REPS1: variants seen among roughly 807,000 people sequenced by gnomAD.
REPS1 encodes the protein RALBP1 associated Eps domain containing 1, also known as ralBP1-associated Eps domain-containing protein 1.
A neutral mutation model predicts 100.9 loss-of-function variants in REPS1; 39 were observed. The observed-to-expected ratio is 0.39, with a 90% confidence interval of 0.30 to 0.50. The LOEUF is 0.50. REPS1 is among the 20% of genes least tolerant of loss of function. The pLI, the probability that REPS1 is intolerant of heterozygous loss-of-function variation, is 0.86. For synonymous variants in REPS1, 324 were observed against 340.3 expected (o/e 0.95, Z 0.53); for missense variants, 821 against 968.5 (o/e 0.85, Z 2.02).
intron 1 of REPS1, among the ~76,000 whole-genome samples, chr6:138,973,515 G>C (rs1784442866): frequency 6.7e-6 from 1 of 148,350 alleles, no homozygotes; most frequent in Non-Finnish European, 1.5e-5. Flanking sequence ...ATTCTACTGG[G>C]AATCAGTCAA....
chr6:138,918,700 CAT>C (rs1167009350), intron 12 of REPS1, among the ~76,000 whole-genome samples: 1 of 152,118 alleles, frequency 6.6e-6, no homozygotes, highest in Non-Finnish European at 1.5e-5. Context: ...AAAAATTTGA[CAT>C]GGGAATAAAA....
At chr6:138,958,259 G>A (rs1783523573) in intron 1 of REPS1, among the ~76,000 whole-genome samples, 2 of 152,142 alleles carry the variant, frequency 1.3e-5, no homozygotes, top group African/African-American at 4.8e-5. Context: ...GGTTTTTGCA[G>A]GAAACAACAC....
At chr6:138,947,961 C>T (rs759067092) in intron 1 of REPS1, 48 bp from the exon 2 acceptor site, 4 of 1,511,290 alleles carry the variant, frequency 2.6e-6, no homozygotes, top group Admixed American at 4.5e-5. Context: ...CAAAAATCTC[C>T]CTTCAAAAAT....
rs2128418155 is a variant in REPS1 at position 138,904,590 on chromosome 6, A to G, written c.*474T>C. On this transcript the variant is annotated 3_prime_UTR_variant, in exon 20 of 20. Transcript: ENST00000450536. ...ACGGCTGCAGAGAGTAAATTAGCTT[A>G]TGGTGAAAACCACCTTATCCAATAT... The G allele has an allele frequency of 6.6e-6, 1 of 152,602 alleles. No individual in the cohort carries two copies. Among genetic ancestry groups the G allele is most frequent in the South Asian group, 2.1e-4 (1 of 4,838 alleles). 9.5% of individuals were successfully genotyped at this position (152,602 alleles called of 1,614,324 possible).
intron 1 of REPS1, among the ~76,000 whole-genome samples, chr6:138,954,133 T>C (rs1253562690): frequency 1.3e-5 from 2 of 150,582 alleles, no homozygotes; most frequent in African/African-American, 2.4e-5. Context: ...AAAAAGTTGA[T>C]CTCATAGAAG....
intron 1 of REPS1, among the ~76,000 whole-genome samples, chr6:138,973,066 T>C (rs1248914230): frequency 3.3e-5 from 5 of 152,120 alleles, no homozygotes; most frequent in Admixed American, 1.3e-4. Context: ...CTCAAATTTT[T>C]TGCCACCTAT....
At chr6:138,953,642 AATGAGGT>A (rs1249913398) in intron 1 of REPS1, among the ~76,000 whole-genome samples, 3 of 151,646 alleles carry the variant, frequency 2.0e-5, no homozygotes, top group African/African-American at 7.3e-5. Flanking sequence ...TCAAAACCAC[AATGAGGT>A]ATCATCTCAC....
At chr6:138,941,305 C>T in intron 8 of REPS1, 30 bp downstream of exon 8, 1 of 1,609,384 alleles carries the variant, frequency 6.2e-7, no homozygotes, top group Admixed American at 1.7e-5. Flanking sequence ...TCAAGGCATG[C>T]AAACAGCTCT....
chr6:138,965,899 AT>A (rs1156933523), intron 1 of REPS1, among the ~76,000 whole-genome samples: 1 of 152,192 alleles, frequency 6.6e-6, no homozygotes, highest in Non-Finnish European at 1.5e-5. Context: ...CTAATCAGAA[AT>A]TTTAAAAAAT....
At chr6:138,919,156 C>G (rs966745452) in intron 12 of REPS1, among the ~76,000 whole-genome samples, 9 of 152,116 alleles carry the variant, frequency 5.9e-5, no homozygotes, top group Admixed American at 5.9e-4. Context: ...GGCCAAAAAC[C>G]ATGAAACCAC....
intron 9 of REPS1, chr6:138,927,964 T>C (rs990316920): frequency 6.6e-6 from 1 of 152,210 alleles, no homozygotes; most frequent in African/African-American, 2.4e-5. Flanking sequence ...AGAAGGTATT[T>C]ACTTGTGTAC....
At chr6:138,981,141 G>A (rs190172717) in intron 1 of REPS1, among the ~76,000 whole-genome samples, 170 of 152,332 alleles carry the variant, frequency 1.1e-3, no homozygotes, top group African/African-American at 3.8e-3. Context: ...CAGATGTCCA[G>A]TGCGTGCAGC....
At chr6:138,965,500 A>G (rs9376389) in intron 1 of REPS1, among the ~76,000 whole-genome samples, 96,629 of 151,956 alleles carry the variant, frequency 0.64, 32,539 homozygotes, top group East Asian at 0.87. Flanking sequence ...AAAATACGAT[A>G]GGGTATGGAG....
chr6:138,932,874 G>A (rs1219038133), intron 8 of REPS1, among the ~76,000 whole-genome samples: 1 of 152,176 alleles, frequency 6.6e-6, no homozygotes, highest in African/African-American at 2.4e-5. Context: ...AAGGTTTCAA[G>A]GGAAAACTCA....
At position 138,921,819 on chromosome 6, in the gene REPS1, G is replaced by A. The variant is rs575308867; in HGVS notation, c.1339-695C>T. ...TCTCGAACTCCTGACCTTGTGATCC[G>A]CCCGCCTCGGCCTACAAAGTGCTGG... is the stretch of plus-strand genomic sequence containing the variant. On this transcript the variant is annotated intron_variant, in intron 10 of 19. Transcript: ENST00000450536. Among the ~76,000 whole-genome samples the A allele has an allele frequency of 4.6e-5, 7 of 151,802 alleles. No homozygotes were observed. The South Asian group carries it at 6.2e-4, about 14-fold the overall frequency.
chr6:138,981,217 G>A (rs1784932850), intron 1 of REPS1, among the ~76,000 whole-genome samples: 1 of 152,164 alleles, frequency 6.6e-6, no homozygotes, highest in African/African-American at 2.4e-5. Flanking sequence ...ATTATTTAAT[G>A]AGACAGACCC....
chr6:138,947,984 A>C, intron 1 of REPS1, 71 bp from the exon 2 acceptor site: 1 of 1,401,862 alleles, frequency 7.1e-7, no homozygotes, highest in South Asian at 1.5e-5. Flanking sequence ...GCAGCTACCC[A>C]ACTTGTTTGT....
At chr6:138,977,512 T>C (rs950961529) in intron 1 of REPS1, among the ~76,000 whole-genome samples, 15 of 152,232 alleles carry the variant, frequency 9.9e-5, no homozygotes, top group African/African-American at 3.6e-4. Context: ...ATATTATTTA[T>C]TAATTTTTTG....
chr6:138,984,208 G>A (rs1001599062), intron 1 of REPS1, among the ~76,000 whole-genome samples: 5 of 151,452 alleles, frequency 3.3e-5, no homozygotes, highest in Non-Finnish European at 7.4e-5. Context: ...CTCAGCCTCT[G>A]GAGTAGCTGG....
Sources: allele counts gnomAD v4.1 joint callset (sites outside exome capture counted in the v4.1 genomes callset), GRCh38; gene constraint gnomAD v4.1.1; transcripts MANE v1.5; gene names NCBI Gene and HGNC (gene_info 2026-07-23, HGNC 2026-07-21).